The following EFCAB6 variants were observed in gnomAD, a reference collection of about 807,000 sequenced individuals.
EFCAB6 encodes the protein EF-hand calcium-binding domain-containing protein 6.
A neutral mutation model predicts 169.8 loss-of-function variants in EFCAB6; 156 were observed. The observed-to-expected ratio is 0.92, with a 90% CI of 0.81 to 1.05. The LOEUF is 1.05. Among genes scored for constraint, EFCAB6 ranks in the 50% least tolerant of loss-of-function variants. The pLI is 0.00. For synonymous variants in EFCAB6, 698 were observed against 676.4 expected, an observed-to-expected ratio of 1.03 and a Z score of -0.50; for missense variants, 1,800 against 1,829.1, an observed-to-expected ratio of 0.98 and a Z score of 0.29.
At chr22:43,587,158 A>G (rs1333543159) in intron 24 of EFCAB6, among the ~76,000 whole-genome samples, 1 of 152,120 alleles carries the variant, frequency 6.6e-6, no homozygotes, top group Admixed American at 6.5e-5. Context: ...CAGACCCCAG[A>G]CCTCTTGCCA....
At chr22:43,760,203 C>CAAAA (rs371022953) in intron 5 of EFCAB6, among the ~76,000 whole-genome samples, 1 of 104,646 alleles carries the variant, frequency 9.6e-6, no homozygotes, top group Non-Finnish European at 1.9e-5. Context: ...GACTCTGTCT[C>CAAAA]AAAAAAAAAA....
At chr22:43,582,555 G>A (rs12628010) in intron 24 of EFCAB6, among the ~76,000 whole-genome samples, 2 of 152,284 alleles carry the variant, frequency 1.3e-5, no homozygotes, top group East Asian at 3.9e-4. Context: ...CCATTCTTAT[G>A]AGATTACTTC....
At chr22:43,722,880 A>G (rs1218108442) in intron 8 of EFCAB6, among the ~76,000 whole-genome samples, 1 of 152,228 alleles carries the variant, frequency 6.6e-6, no homozygotes, top group East Asian at 1.9e-4. Flanking sequence ...GCCATAAAAA[A>G]GAATAAAATC....
intron 12 of EFCAB6, among the ~76,000 whole-genome samples, chr22:43,683,076 C>G (rs765379506): frequency 2.0e-5 from 3 of 152,122 alleles, no homozygotes; most frequent in Non-Finnish European, 4.4e-5. Context: ...CACCTTTGGC[C>G]TCTGAAATCA....
At chr22:43,536,938 A>G (rs1225918620) in intron 29 of EFCAB6, 1 of 154,974 alleles carries the variant, frequency 6.5e-6, no homozygotes, top group Admixed American at 6.5e-5. Flanking sequence ...CACTGGTTTA[A>G]TTTTAAAAGT....
At chr22:43,533,994 T>G (rs771771593) in intron 30 of EFCAB6, among the ~76,000 whole-genome samples, 1 of 152,214 alleles carries the variant, frequency 6.6e-6, no homozygotes, top group Non-Finnish European at 1.5e-5. Flanking sequence ...GGCTCATGCC[T>G]GTAATCACAG....
chr22:43,580,295 T>C (rs921220093), intron 25 of EFCAB6, among the ~76,000 whole-genome samples, 169 bp downstream of exon 25: 1 of 152,106 alleles, frequency 6.6e-6, no homozygotes, highest in African/African-American at 2.4e-5. Context: ...GAGCACATGC[T>C]GGGGTGGAAG....
chr22:43,596,064 T>C (rs1034829774), intron 23 of EFCAB6, among the ~76,000 whole-genome samples: 3 of 151,886 alleles, frequency 2.0e-5, no homozygotes, highest in Non-Finnish European at 1.5e-5. Flanking sequence ...TGATAAAAAC[T>C]CTCCTCACAA....
chr22:43,752,718 C>T (rs1386846434), intron 6 of EFCAB6, among the ~76,000 whole-genome samples: 3 of 152,184 alleles, frequency 2.0e-5, no homozygotes, highest in African/African-American at 7.2e-5. Flanking sequence ...TGCTGGCAAC[C>T]TCCTGGTAAC....
chr22:43,668,519 TG>T (rs1486927310), intron 16 of EFCAB6, among the ~76,000 whole-genome samples: 2 of 152,234 alleles, frequency 1.3e-5, no homozygotes, highest in Non-Finnish European at 1.5e-5. Flanking sequence ...TCTAAGTTTC[TG>T]GAAGAGAGTA....
chr22:43,701,978 C>A (rs1025534126), intron 10 of EFCAB6, among the ~76,000 whole-genome samples: 1 of 151,890 alleles, frequency 6.6e-6, no homozygotes, highest in Non-Finnish European at 1.5e-5. Flanking sequence ...AAATATTAAA[C>A]AAAGAGGTGA....
At chr22:43,564,414 C>T (rs1423840682) in intron 26 of EFCAB6, among the ~76,000 whole-genome samples, 1 of 150,920 alleles carries the variant, frequency 6.6e-6, no homozygotes, top group African/African-American at 2.4e-5. Context: ...TGCCACTGCA[C>T]TCCAGCCTGG....
chr22:43,542,119 T>A (rs1407084435), intron 27 of EFCAB6, among the ~76,000 whole-genome samples: 1 of 152,180 alleles, frequency 6.6e-6, no homozygotes, highest in African/African-American at 2.4e-5. Flanking sequence ...GACTCGGAGC[T>A]GAGGAGGCAG....
chr22:43,706,011 AGAG>A (rs533643644), intron 10 of EFCAB6, among the ~76,000 whole-genome samples: 3 of 152,356 alleles, frequency 2.0e-5, no homozygotes, highest in South Asian at 4.1e-4. Flanking sequence ...AGGAAATGAA[AGAG>A]GAGATATTAT....
chr22:43,740,696 G>A (rs2060336079), intron 6 of EFCAB6, among the ~76,000 whole-genome samples: 1 of 152,184 alleles, frequency 6.6e-6, no homozygotes, highest in Admixed American at 6.5e-5. Flanking sequence ...ACTGAGTGCA[G>A]CCGAGAGGGA....
chr22:43,787,116 G>C (rs951009024), intron 2 of EFCAB6, among the ~76,000 whole-genome samples: 1 of 152,102 alleles, frequency 6.6e-6, no homozygotes, highest in Non-Finnish European at 1.5e-5. Flanking sequence ...CATATTTAAT[G>C]GTGAATGACC....
intron 17 of EFCAB6, among the ~76,000 whole-genome samples, chr22:43,654,719 G>A (rs558609577): frequency 6.6e-6 from 1 of 152,294 alleles, no homozygotes; most frequent in South Asian, 2.1e-4. Context: ...CCCTAGATAC[G>A]ATCCTAGACA....
At chr22:43,613,898 A>G (rs1482082089) in intron 21 of EFCAB6, among the ~76,000 whole-genome samples, 1 of 152,130 alleles carries the variant, frequency 6.6e-6, no homozygotes, top group Non-Finnish European at 1.5e-5. Context: ...AGGCTGAGGT[A>G]GGAGGACCAC....
intron 6 of EFCAB6, among the ~76,000 whole-genome samples, chr22:43,751,817 G>T (rs2060777992): frequency 6.6e-6 from 1 of 152,204 alleles, no homozygotes; most frequent in Non-Finnish European, 1.5e-5. Context: ...ATCAACATAT[G>T]CCTGCTTAAC....
Sources: allele counts gnomAD v4.1 joint callset (sites outside exome capture counted in the v4.1 genomes callset), GRCh38; gene constraint gnomAD v4.1.1; transcripts MANE v1.5; gene names NCBI Gene and HGNC (gene_info 2026-07-23, HGNC 2026-07-21).